Variants in BICDL1 observed in about 807,000 individuals in gnomAD.
BICDL1 encodes BICD family-like cargo adapter 1.
Under a neutral mutation model 76.8 loss-of-function variants are expected in BICDL1, and 20 were observed. The observed-to-expected ratio is 0.26, with a 90% CI of 0.18 to 0.38. The LOEUF is 0.38. Ranked by LOEUF, BICDL1 falls within the 10% of genes least tolerant of loss-of-function variation. The pLI is 1.00. For synonymous variants in BICDL1, 383 were observed against 337.1 expected, an observed-to-expected ratio of 1.14 and a Z score of -1.49; for missense variants, 700 against 798.6, an observed-to-expected ratio of 0.88 and a Z score of 1.49.
intron 8 of BICDL1, among the ~76,000 whole-genome samples, chr12:120,087,438 G>A (rs1874519921): frequency 6.6e-6 from 1 of 152,248 alleles, no homozygotes; most frequent in Admixed American, 6.5e-5. Context: ...AGTGGCCTGA[G>A]CACTTTGCAA....
intron 4 of BICDL1, among the ~76,000 whole-genome samples, chr12:120,067,204 C>G (rs1226605795): frequency 1.3e-5 from 2 of 152,244 alleles, no homozygotes; most frequent in African/African-American, 2.4e-5. Context: ...ACTGCCCTGT[C>G]TCATACTCAG....
At chr12:120,003,209 A>C (rs75488739) in intron 2 of BICDL1, among the ~76,000 whole-genome samples, 1 of 151,722 alleles carries the variant, frequency 6.6e-6, no homozygotes, top group Admixed American at 6.6e-5. Context: ...TGGGGAGACA[A>C]CATCTGAGAT....
At position 120,072,723 on chromosome 12, in the gene BICDL1, G is replaced by C. The variant is rs1382789488; in HGVS notation, c.1302G>C (p.Glu434Asp). ...RLIQSIVDGM[E>D]PTGSRRLDDD... ...TACAGAGCATTGTGGATGGCATGGA[G>C]CCCACGGTAAGAGGCCAGTCTGAGA... The change falls in exon 6 of 10, where the codon GAG (glutamate) becomes GAC (aspartate). Residue 434 changes from glutamate (E) to aspartate (D), a missense_variant. Physicochemically the swap from Glu to Asp is conservative, Grantham distance 45 (BLOSUM62 2). This residue lies in a region of BICDL1 where 455 missense variants were observed against 548.7 expected (regional missense o/e 0.83). Coordinates refer to ENST00000548673, the MANE Select transcript of BICDL1 (RefSeq NM_001367886.1). 53 of 1,611,706 alleles carry C rather than the reference G, an allele frequency of 3.3e-5. No individual in the cohort carries two copies. The highest frequency in any genetic ancestry group is 4.4e-5 in the Non-Finnish European group (52 of 1,179,658).
intron 2 of BICDL1, among the ~76,000 whole-genome samples, chr12:120,012,591 A>G (rs1158009674): frequency 6.6e-6 from 1 of 152,174 alleles, no homozygotes; most frequent in Non-Finnish European, 1.5e-5. Flanking sequence ...AGATGTAACT[A>G]TGATGTCAGA....
intron 2 of BICDL1, among the ~76,000 whole-genome samples, chr12:120,060,312 ATG>A (rs1040178810): frequency 1.3e-5 from 2 of 152,196 alleles, no homozygotes; most frequent in African/African-American, 4.8e-5. Flanking sequence ...ATTCCCAGGA[ATG>A]TTTATTGCCA....
intron 1 of BICDL1, among the ~76,000 whole-genome samples, chr12:119,996,206 C>T (rs577122063): frequency 2.6e-4 from 39 of 152,244 alleles, no homozygotes; most frequent in African/African-American, 7.7e-4. Context: ...TGGGAGTTTT[C>T]GGTGAAAACT....
Position 120,072,549 on chromosome 12 carries a change from C to T in BICDL1, c.1128C>T (p.Arg376=), listed in dbSNP as rs1390435372. 2 of 1,614,138 alleles carry T rather than the reference C, an allele frequency of 1.2e-6. No individual in the cohort carries two copies. The highest frequency in any genetic ancestry group is 1.1e-5 in the South Asian group (1 of 91,082). Residue 376 remains arginine, a synonymous_variant, in exon 6 of 10, where the codon CGC becomes CGT. Coordinates refer to ENST00000548673, the MANE Select transcript of BICDL1 (RefSeq NM_001367886.1). The part of the protein sequence containing the change: ...LQLWEAYCQV[R]YLCSHLRGND... The stretch of plus-strand genomic sequence containing the variant: ...TCTGGGAAGCCTACTGCCAGGTTCG[C>T]TATCTGTGCTCACACCTTCGAGGCA...
At chr12:120,053,380 C>T (rs184015988) in intron 2 of BICDL1, among the ~76,000 whole-genome samples, 220 of 152,276 alleles carry the variant, frequency 1.4e-3, no homozygotes, top group Non-Finnish European at 2.2e-3. Context: ...ACTGCGCCTT[C>T]TATTTTCATC....
intron 2 of BICDL1, among the ~76,000 whole-genome samples, chr12:120,039,814 G>GT (rs1952602300): frequency 6.6e-6 from 1 of 152,044 alleles, no homozygotes; most frequent in South Asian, 2.1e-4. Flanking sequence ...AGTGTCACCA[G>GT]TTTTTTAGCC....
intron 2 of BICDL1, among the ~76,000 whole-genome samples, chr12:120,001,435 A>G (rs970330236): frequency 1.3e-5 from 2 of 151,704 alleles, no homozygotes; most frequent in Non-Finnish European, 2.9e-5. Flanking sequence ...TTTAGTAGAA[A>G]TGGGGTTTTA....
intron 2 of BICDL1, among the ~76,000 whole-genome samples, chr12:120,043,324 A>G (rs946727420): frequency 1.3e-5 from 2 of 152,218 alleles, no homozygotes; most frequent in Non-Finnish European, 2.9e-5. Flanking sequence ...CCAAGTACAC[A>G]TATTTTGGGG....
In BICDL1 at chr12:120,093,524, T is replaced by C. The variant is rs1875167603; in HGVS notation, c.*363T>C. The stretch of plus-strand genomic sequence containing the variant: ...CCCCCAGGCACTGCTGCCTCCTTGA[T>C]TTTAGCAAATGGGGAACAGAAGGAA... On this transcript the variant is annotated 3_prime_UTR_variant, in exon 10 of 10. Coordinates refer to ENST00000548673, the MANE Select transcript of BICDL1 (RefSeq NM_001367886.1). 1.7e-5 allele frequency: 4 copies of C among 241,486 alleles called. No individual in the cohort carries two copies. The South Asian group carries it at 1.9e-4, about 11-fold the overall frequency. The allele number at this position is 241,486 out of a possible 1,614,324, so 15.0% of individuals were successfully genotyped here.
At position 120,016,956 on chromosome 12, in the gene BICDL1, G is replaced by A. The variant is rs574210958; in HGVS notation, c.645+18220G>A. On this transcript the variant is annotated intron_variant, in intron 2 of 9. Transcript: ENST00000548673. Reference sequence around the variant, plus strand: ...CTCCCAGTCTGGAGTGCAGTGGCACGATCTCGGCTCACTGCAAGCTCTGCC... The same window carrying A: ...CTCCCAGTCTGGAGTGCAGTGGCACAATCTCGGCTCACTGCAAGCTCTGCC... Among the ~76,000 whole-genome samples, 6 of 152,180 alleles carry A rather than the reference G, an allele frequency of 3.9e-5. No individual in the cohort carries two copies. The East Asian group carries it at 1.2e-3, about 30-fold the overall frequency.
intron 1 of BICDL1, 63 bp downstream of exon 1, chr12:119,990,360 G>A (rs1951493156): frequency 6.5e-7 from 1 of 1,530,830 alleles, no homozygotes; most frequent in African/African-American, 1.4e-5. Flanking sequence ...GCCCGGCCCT[G>A]GGCAGTTAGG....
intron 2 of BICDL1, among the ~76,000 whole-genome samples, chr12:120,015,532 T>G (rs889621585): frequency 6.6e-6 from 1 of 152,206 alleles, no homozygotes; most frequent in Non-Finnish European, 1.5e-5. Flanking sequence ...CTTTTGTCAT[T>G]TACATTCTGT....
rs1258714236 is a variant in BICDL1, at chr12:120,079,806, G to C, written c.1453-1081G>C. Among the ~76,000 whole-genome samples, 1 of 152,214 alleles carries C rather than the reference G, an allele frequency of 6.6e-6. No individual in the cohort carries two copies. Among genetic ancestry groups the C allele is most frequent in the Non-Finnish European group, 1.5e-5 (1 of 68,044 alleles). On this transcript the variant is annotated intron_variant, in intron 7 of 9. Transcript: ENST00000548673. The surrounding 1 kb of genome is among the most constrained non-coding windows in gnomAD (Gnocchi z 4.3). Reference sequence around the variant, plus strand: ...TGGGAAAAGGGACAACAAACAAACTGCCGCCCTTGTCACTAATTCCTCCCT... The same window carrying C: ...TGGGAAAAGGGACAACAAACAAACTCCCGCCCTTGTCACTAATTCCTCCCT...
chr12:120,087,795 G>A (rs1668638153), intron 8 of BICDL1, among the ~76,000 whole-genome samples: 1 of 152,192 alleles, frequency 6.6e-6, no homozygotes, highest in Admixed American at 6.5e-5. Flanking sequence ...TGGGAAAGGT[G>A]AACAAAGTAA....
intron 8 of BICDL1, 136 bp downstream of exon 8, chr12:120,081,153 C>CCCCACA: frequency 1.5e-6 from 1 of 681,926 alleles, no homozygotes; most frequent in Non-Finnish European, 2.3e-6. Flanking sequence ...CCACCCCCAC[C>CCCCACA]CCCACCCCCA....
rs141586059 is a variant in BICDL1, at chr12:119,997,479, T to A, written c.430-1042T>A. On this transcript the variant is annotated intron_variant, in intron 1 of 9. Transcript: ENST00000548673. ...AGGTGCTCAAGAATGAATCAATGTA[T>A]CAAATAAATATACAAGGCTTAATGG... Among the ~76,000 whole-genome samples, 388 of 152,286 alleles carry A rather than the reference T, an allele frequency of 2.5e-3. 1 individual carries two copies. Among genetic ancestry groups the A allele is most frequent in the African/African-American group, 9.0e-3 (375 of 41,564 alleles).
Sources: allele counts gnomAD v4.1 joint callset (sites outside exome capture counted in the v4.1 genomes callset), GRCh38; gene constraint gnomAD v4.1.1; regional missense constraint gnomAD v4.1.1; non-coding constraint Gnocchi (gnomAD v3.1); transcripts MANE v1.5; gene names NCBI Gene and HGNC (gene_info 2026-07-23, HGNC 2026-07-21).